DLG1: variants seen among roughly 807,000 people sequenced by gnomAD.
The protein encoded by DLG1 is discs large MAGUK scaffold protein 1.
DLG1 carries 42 observed loss-of-function variants against 123.4 expected under a neutral mutation model. The ratio of observed to expected loss-of-function variants is 0.34; its 90% CI spans 0.27 to 0.44. DLG1 has a LOEUF of 0.44. DLG1 is among the 20% of genes least tolerant of loss of function. The pLI, the probability that DLG1 is intolerant of heterozygous loss-of-function variation, is 1.00. For synonymous variants in DLG1, 317 were observed against 356.2 expected (o/e 0.89, Z 1.24); for missense variants, 942 against 1,082.6 (o/e 0.87, Z 1.82).
chr3:197,073,054 T>C lies in DLG1; in HGVS notation c.2005+3532A>G, dbSNP rs114848962. 8.5e-3 allele frequency among the ~76,000 whole-genome samples: 1,293 copies of C among 152,292 alleles called. 16 individuals are homozygous for C. The highest frequency in any genetic ancestry group is 0.029 in the African/African-American group (1,225 of 41,558). On this transcript the variant is annotated intron_variant, in intron 18 of 24. Transcript: ENST00000667157. ...AAATCTCTCTAACCAAGTTTTATCA[T>C]TGTACTCAAATGCTTCTTCCTGATA...
chr3:197,252,093 G>T (rs547602982), intron 4 of DLG1, among the ~76,000 whole-genome samples: 26 of 152,040 alleles, frequency 1.7e-4, no homozygotes, highest in African/African-American at 6.0e-4. Flanking sequence ...TGTGCTAGTT[G>T]TCTCTCCTTA....
chr3:197,049,665 T>C (rs1396589336), intron 24 of DLG1, among the ~76,000 whole-genome samples: 1 of 136,938 alleles, frequency 7.3e-6, no homozygotes, highest in Non-Finnish European at 1.7e-5. Context: ...GGCAGGAGAA[T>C]CGCTTGAACC....
intron 4 of DLG1, among the ~76,000 whole-genome samples, chr3:197,277,850 A>C (rs1001099840): frequency 6.6e-6 from 1 of 152,106 alleles, no homozygotes; most frequent in Non-Finnish European, 1.5e-5. Context: ...ATTAAGAGAG[A>C]GAGCCGGGTG....
chr3:197,130,673 TA>T lies in DLG1; in HGVS notation c.1021-3del. 4.4e-6 allele frequency: 7 copies of T among 1,585,456 alleles called. No homozygotes were observed. In the Admixed American group the frequency reaches 5.3e-5, roughly 12 times the overall value. ...TTCTTCTAAACATACGTTATTCACC[TA>T]AAAAAAGTCCCAAAAGACATTTATG... On this transcript the variant is annotated splice_polypyrimidine_tract_variant and splice_region_variant and intron_variant, in intron 10 of 24. Transcript: ENST00000667157.
intron 4 of DLG1, among the ~76,000 whole-genome samples, chr3:197,267,574 C>CTTTT (rs397739803): frequency 5.9e-5 from 9 of 151,720 alleles, no homozygotes; most frequent in South Asian, 2.1e-4. Flanking sequence ...TTTTTTCTTC[C>CTTTT]CATTCCCAAT....
At chr3:197,179,921 C>T (rs1809225759) in intron 5 of DLG1, among the ~76,000 whole-genome samples, 1 of 152,080 alleles carries the variant, frequency 6.6e-6, no homozygotes, top group Non-Finnish European at 1.5e-5. Context: ...TTCCTCTAAG[C>T]AGATTATTCA....
chr3:197,176,863 A>G (rs1807370249), intron 5 of DLG1, among the ~76,000 whole-genome samples: 2 of 152,182 alleles, frequency 1.3e-5, no homozygotes, highest in Admixed American at 1.3e-4. Context: ...TGTAATTTAA[A>G]AAAGCTTATA....
rs944116076 is a variant in DLG1 at position 197,131,836 on chromosome 3, G to A, written c.1021-1165C>T. On this transcript the variant is annotated intron_variant, in intron 10 of 24. Transcript: ENST00000667157. ...TCTCGATCTCCTGACCTCGTGATCCGCCCGCCTCGGCCTCCCAAAGTGCTG... is the reference window on the plus strand; with the variant it reads ...TCTCGATCTCCTGACCTCGTGATCCACCCGCCTCGGCCTCCCAAAGTGCTG... Among the ~76,000 whole-genome samples the A allele has an allele frequency of 1.8e-3, 275 of 151,572 alleles. 2 individuals are homozygous for A. The highest frequency in any genetic ancestry group is 4.5e-3 in the Admixed American group (68 of 15,248).
At chr3:197,233,191 T>C (rs1744152507) in intron 4 of DLG1, among the ~76,000 whole-genome samples, 2 of 152,108 alleles carry the variant, frequency 1.3e-5, no homozygotes, top group South Asian at 2.1e-4. Flanking sequence ...CACAAAAACA[T>C]TTAAAAGCAT....
At chr3:197,145,916 G>A (rs1307306293) in intron 6 of DLG1, among the ~76,000 whole-genome samples, 1 of 152,022 alleles carries the variant, frequency 6.6e-6, no homozygotes, top group Non-Finnish European at 1.5e-5. Flanking sequence ...CTTGAACCCA[G>A]GAGGCGGAGG....
intron 10 of DLG1, among the ~76,000 whole-genome samples, chr3:197,131,935 T>A (rs983354197): frequency 3.3e-5 from 5 of 152,160 alleles, no homozygotes; most frequent in Non-Finnish European, 7.4e-5. Flanking sequence ...CTTTTTCTTT[T>A]CTTATTGCCC....
At chr3:197,297,588 C>G (rs1255931008) in intron 1 of DLG1, 1 of 1,025,946 alleles carries the variant, frequency 9.7e-7, no homozygotes, top group East Asian at 9.4e-5. Context: ...CCCTTGGCCC[C>G]TGAGCCAGCA....
intron 14 of DLG1, among the ~76,000 whole-genome samples, chr3:197,093,220 G>A (rs1758736819): frequency 6.6e-6 from 1 of 151,522 alleles, no homozygotes. Context: ...GTGCAGTGGC[G>A]CGATCTTGGC....
At chr3:197,067,544 T>TTG (rs1740433867) in intron 19 of DLG1, among the ~76,000 whole-genome samples, 1 of 141,498 alleles carries the variant, frequency 7.1e-6, no homozygotes, top group African/African-American at 2.6e-5. Flanking sequence ...AGTTAAAAAC[T>TTG]CTGAGAGTTT....
At chr3:197,283,859 GTTT>G (rs36055840) in intron 3 of DLG1, among the ~76,000 whole-genome samples, 3 of 104,892 alleles carry the variant, frequency 2.9e-5, no homozygotes, top group Admixed American at 1.0e-4. Flanking sequence ...CAGTTGGGTT[GTTT>G]TTTTTTTTTT....
intron 17 of DLG1, chr3:197,078,418 G>GGTTAAACTT (rs1748724721): frequency 1.3e-5 from 2 of 151,576 alleles, no homozygotes; most frequent in African/African-American, 4.8e-5. Flanking sequence ...ATAAAAACAA[G>GGTTAAACTT]GTTAAACTTT....
intron 18 of DLG1, chr3:197,075,867 T>A: frequency 6.2e-7 from 1 of 1,612,132 alleles, no homozygotes; most frequent in Non-Finnish European, 8.5e-7. Flanking sequence ...TCGTCAGGGA[T>A]CTCCTGTAGA....
chr3:197,096,161 T>C (rs1230015932), intron 14 of DLG1, among the ~76,000 whole-genome samples: 1 of 152,206 alleles, frequency 6.6e-6, no homozygotes, highest in Non-Finnish European at 1.5e-5. Context: ...CTGACGTAGA[T>C]ATTTATGTTT....
chr3:197,134,472 CAAAAAAAA>C lies in DLG1; in HGVS notation c.1020+2062_1020+2069del, dbSNP rs11319273. On this transcript the variant is annotated intron_variant, in intron 10 of 24. Transcript: ENST00000667157. The stretch of plus-strand genomic sequence containing the variant: ...TTCCCAGGAAAATTATTCATAATAC[CAAAAAAAA>C]AAAAAAAAAAAAAAGACTTAAAATA... Among the ~76,000 whole-genome samples the C allele has an allele frequency of 1.7e-3, 168 of 96,578 alleles. 1 individual carries two copies. The highest frequency in any genetic ancestry group is 6.4e-3 in the African/African-American group (167 of 25,914). The allele number at this position is 96,578 out of a possible 152,430, so 63.4% of individuals were successfully genotyped here.
Sources: allele counts gnomAD v4.1 joint callset (sites outside exome capture counted in the v4.1 genomes callset), GRCh38; gene constraint gnomAD v4.1.1; transcripts MANE v1.5; gene names NCBI Gene and HGNC (gene_info 2026-07-23, HGNC 2026-07-21).